The following EGFLAM variants were observed in gnomAD, a reference collection of about 807,000 sequenced individuals.
EGFLAM encodes EGF like, fibronectin type III and laminin G domains.
Under a neutral mutation model 113.1 loss-of-function variants are expected in EGFLAM, and 79 were observed. The observed-to-expected ratio is 0.70, with a 90% CI of 0.58 to 0.84. EGFLAM has a LOEUF of 0.84. Among genes scored for constraint, EGFLAM ranks in the 40% least tolerant of loss-of-function variants. The pLI is 0.00. For missense variants in EGFLAM, 1,265 were observed against 1,291.6 expected, an observed-to-expected ratio of 0.98 and a Z score of 0.32; for synonymous variants, 504 against 487.6, an observed-to-expected ratio of 1.03 and a Z score of -0.44.
intron 5 of EGFLAM, among the ~76,000 whole-genome samples, chr5:38,361,160 C>T (rs1395371681): frequency 6.6e-6 from 1 of 151,972 alleles, no homozygotes; most frequent in African/African-American, 2.4e-5. Flanking sequence ...GCCACCGCAC[C>T]CTCCCTGGCC....
rs371712688 is a variant in EGFLAM at position 38,306,844 on chromosome 5, C to A, written c.98-30676C>A. 2.3e-3 allele frequency among the ~76,000 whole-genome samples: 346 copies of A among 152,290 alleles called. 12 individuals carry two copies. The South Asian group carries it at 0.062, about 27-fold the overall frequency. On this transcript the variant is annotated intron_variant, in intron 1 of 21. Transcript: ENST00000322350. ...TTACAAAGTCCTAACAGTTTCTGCA[C>A]ATAGGAAATCTAAGTACCCTAAGAG...
At chr5:38,432,401 G>A (rs569354478) in intron 15 of EGFLAM, among the ~76,000 whole-genome samples, 1 of 151,820 alleles carries the variant, frequency 6.6e-6, no homozygotes, top group South Asian at 2.1e-4. Context: ...TGGGAATGAG[G>A]GGAATCCCAA....
intron 19 of EGFLAM, among the ~76,000 whole-genome samples, chr5:38,457,579 G>A (rs1743131177): frequency 6.6e-6 from 1 of 152,160 alleles, no homozygotes; most frequent in Non-Finnish European, 1.5e-5. Context: ...TGGATCCATG[G>A]CTGCCCTAAT....
At position 38,258,859 on chromosome 5, in the gene EGFLAM, G is replaced by C. The variant is rs757481038; in HGVS notation, c.97+8G>C. ...CGGCCATCCGAAAACCAGGTAATGC[G>C]CTCCTCCGCCCAGAGCCACCACGCC... On this transcript the variant is annotated splice_region_variant and intron_variant, in intron 1 of 21. Transcript: ENST00000322350. The C allele has an allele frequency of 3.4e-5, 54 of 1,609,692 alleles. No individual in the cohort carries two copies. Among genetic ancestry groups the C allele is most frequent in the Middle Eastern group, 3.4e-4 (2 of 5,950 alleles).
intron 5 of EGFLAM, among the ~76,000 whole-genome samples, chr5:38,355,185 G>A (rs2111995484): frequency 6.6e-6 from 1 of 152,294 alleles, no homozygotes. Flanking sequence ...TAGGCAACCG[G>A]GTCTTCACTG....
At chr5:38,450,981 G>C (rs766541755) in intron 18 of EGFLAM, among the ~76,000 whole-genome samples, 16 of 152,216 alleles carry the variant, frequency 1.1e-4, no homozygotes, top group Non-Finnish European at 1.9e-4. Context: ...TTCTGTTGGG[G>C]AATGGGGCCC....
At chr5:38,297,035 G>A (rs557979580) in intron 1 of EGFLAM, among the ~76,000 whole-genome samples, 25 of 152,132 alleles carry the variant, frequency 1.6e-4, no homozygotes, top group Non-Finnish European at 3.2e-4. Context: ...GAACGACAAC[G>A]AAAAATTTAG....
chr5:38,267,770 T>A (rs1185061909), intron 1 of EGFLAM, among the ~76,000 whole-genome samples: 1 of 152,216 alleles, frequency 6.6e-6, no homozygotes, highest in Non-Finnish European at 1.5e-5. Context: ...GAATCCAGAC[T>A]GATTAGTGAT....
intron 4 of EGFLAM, 107 bp from the exon 5 acceptor site, chr5:38,352,089 A>G: frequency 3.3e-6 from 5 of 1,506,286 alleles, no homozygotes; most frequent in African/African-American, 2.8e-5. Context: ...CTGTTTATGT[A>G]TTATATTAAA....
At chr5:38,350,475 C>T in intron 3 of EGFLAM, 26 bp from the exon 4 acceptor site, 1 of 1,605,616 alleles carries the variant, frequency 6.2e-7, no homozygotes, top group Non-Finnish European at 8.5e-7. Context: ...TGATTGTTAG[C>T]ATCTTTCTTG....
chr5:38,444,072 A>G (rs767029904), intron 17 of EGFLAM, among the ~76,000 whole-genome samples: 4 of 151,872 alleles, frequency 2.6e-5, no homozygotes, highest in Admixed American at 6.6e-5. Flanking sequence ...CACCTGACCA[A>G]CTCTTTATAG....
At chr5:38,285,460 C>T (rs1758135780) in intron 1 of EGFLAM, among the ~76,000 whole-genome samples, 1 of 152,134 alleles carries the variant, frequency 6.6e-6, no homozygotes, top group Non-Finnish European at 1.5e-5. Context: ...TCCACATTAG[C>T]AGGGAGGGTG....
At chr5:38,424,798 G>T (rs1315750000) in intron 12 of EGFLAM, among the ~76,000 whole-genome samples, 169 bp from the exon 13 acceptor site, 1 of 152,186 alleles carries the variant, frequency 6.6e-6, no homozygotes, top group Non-Finnish European at 1.5e-5. Flanking sequence ...TGAAGAGCAG[G>T]TTCCACTTAT....
chr5:38,298,341 T>C (rs1758496824), intron 1 of EGFLAM, among the ~76,000 whole-genome samples: 2 of 152,206 alleles, frequency 1.3e-5, no homozygotes, highest in Non-Finnish European at 2.9e-5. Flanking sequence ...CAGGGTTCTC[T>C]GATTAGGAAA....
Position 38,425,089 on chromosome 5 carries a change from G to A in EGFLAM, c.1807G>A (p.Asp603Asn). The A allele has an allele frequency of 6.2e-7, 1 of 1,613,218 alleles. No individual in the cohort carries two copies. Among genetic ancestry groups the A allele is most frequent in the Non-Finnish European group, 8.5e-7 (1 of 1,179,484 alleles). ...PLGFKGRHCE[D>N]AFTLTIPQFR... ...TGGGTTTAAAGGTCGACACTGTGAA[G>A]ATGGTGAGAAAGAAGCAAGTTGAAG... The change falls in exon 13 of 22, where the codon GAT becomes AAT. Residue 603 changes from aspartate to asparagine, a missense_variant. Physicochemically the swap from Asp to Asn is conservative, Grantham distance 23 (BLOSUM62 1). Coordinates refer to ENST00000322350, the MANE Select transcript of EGFLAM (RefSeq NM_152403.4).
intron 12 of EGFLAM, among the ~76,000 whole-genome samples, chr5:38,420,453 T>C (rs1741786437): frequency 6.6e-6 from 1 of 152,212 alleles, no homozygotes; most frequent in African/African-American, 2.4e-5. Flanking sequence ...GCCTTGCTTA[T>C]GAGCCTGGAC....
intron 3 of EGFLAM, among the ~76,000 whole-genome samples, chr5:38,341,725 C>G (rs551223481): frequency 6.6e-6 from 1 of 152,092 alleles, no homozygotes; most frequent in Non-Finnish European, 1.5e-5. Flanking sequence ...GTTATTATAT[C>G]GTATCATTCT....
chr5:38,369,094 C>T (rs1364969860), intron 5 of EGFLAM, among the ~76,000 whole-genome samples: 1 of 151,982 alleles, frequency 6.6e-6, no homozygotes, highest in African/African-American at 2.4e-5. Context: ...TTCTTTTTTT[C>T]TCCCCTCCAG....
chr5:38,408,690 G>A (rs192223971), intron 9 of EGFLAM, among the ~76,000 whole-genome samples: 3 of 152,198 alleles, frequency 2.0e-5, no homozygotes, highest in African/African-American at 7.2e-5. Flanking sequence ...CACTGTGACC[G>A]TGGTCTTTGT....
Sources: allele counts gnomAD v4.1 joint callset (sites outside exome capture counted in the v4.1 genomes callset), GRCh38; gene constraint gnomAD v4.1.1; transcripts MANE v1.5; gene names NCBI Gene and HGNC (gene_info 2026-07-23, HGNC 2026-07-21).